GRM8: variants seen among roughly 807,000 people sequenced by gnomAD.
GRM8 encodes the protein metabotropic glutamate receptor 8.
A neutral mutation model predicts 87.2 loss-of-function variants in GRM8; 47 were observed. The ratio of observed to expected loss-of-function variants is 0.54; its 90% confidence interval spans 0.43 to 0.69. The LOEUF (loss-of-function observed/expected upper bound fraction) is 0.69. GRM8 is among the 30% of genes least tolerant of loss of function. GRM8 has a pLI of 0.00. For missense variants in GRM8, 1,019 were observed against 1,139.2 expected (o/e 0.89, Z 1.52); for synonymous variants, 396 against 404.5 (o/e 0.98, Z 0.25).
intron 2 of GRM8, among the ~76,000 whole-genome samples, chr7:127,203,166 A>G (rs80190163): frequency 6.6e-6 from 1 of 152,214 alleles, no homozygotes; most frequent in Admixed American, 6.5e-5. Flanking sequence ...TATCAAGTAC[A>G]TGTTTACATT....
chr7:127,027,538 A>G (rs1277763766), intron 3 of GRM8, among the ~76,000 whole-genome samples: 2 of 152,184 alleles, frequency 1.3e-5, no homozygotes, highest in Non-Finnish European at 2.9e-5. Flanking sequence ...TTCTCCTTGA[A>G]GAAGTCCTTC....
intron 2 of GRM8, among the ~76,000 whole-genome samples, chr7:127,113,995 G>A (rs1418423245): frequency 2.0e-5 from 3 of 152,024 alleles, no homozygotes; most frequent in African/African-American, 7.2e-5. Flanking sequence ...GCTAAGGAGA[G>A]GGAAAAGAAG....
At chr7:126,749,467 A>C (rs1816138757) in intron 7 of GRM8, among the ~76,000 whole-genome samples, 1 of 151,812 alleles carries the variant, frequency 6.6e-6, no homozygotes, top group Non-Finnish European at 1.5e-5. Context: ...AGCCTTCATC[A>C]GAATTGAAAA....
intron 3 of GRM8, among the ~76,000 whole-genome samples, chr7:126,992,791 T>C (rs1563390328): frequency 6.6e-6 from 1 of 151,440 alleles, no homozygotes; most frequent in Non-Finnish European, 1.5e-5. Flanking sequence ...CCAGAGAGCG[T>C]GCCATCTCTC....
rs748978609 is a variant in GRM8, at chr7:127,106,552, T to G, written c.671A>C (p.Glu224Ala). The change falls in exon 3 of 11, where the codon GAG becomes GCG. Residue 224 changes from glutamate to alanine, a missense_variant. Glu to Ala is a moderately radical substitution (Grantham distance 107, BLOSUM62 -1). Transcript: ENST00000339582. ...GWNYVSTLASEGNYGESGVEA... is the reference protein window; with the variant it reads ...GWNYVSTLASAGNYGESGVEA... ...CACACCGCTCTCACCATAGTTCCCC[T>G]CAGAAGCCAGTGTCGAAACATAATT... 6.2e-7 allele frequency: 1 copy of G among 1,614,076 alleles called. No homozygotes were observed. The highest frequency in any genetic ancestry group is 1.1e-5 in the South Asian group (1 of 91,084).
At chr7:126,477,351 T>C (rs1173902899) in intron 9 of GRM8, among the ~76,000 whole-genome samples, 1 of 151,944 alleles carries the variant, frequency 6.6e-6, no homozygotes, top group Non-Finnish European at 1.5e-5. Context: ...TACTAAAAAT[T>C]TGTTAAGAGA....
intron 6 of GRM8, among the ~76,000 whole-genome samples, chr7:126,878,940 A>G (rs1799778814): frequency 1.3e-5 from 2 of 151,938 alleles, no homozygotes; most frequent in South Asian, 4.2e-4. Flanking sequence ...AGGCAGGTCG[A>G]TCACCTGAGG....
intron 9 of GRM8, among the ~76,000 whole-genome samples, chr7:126,523,992 C>T (rs2299455): frequency 0.027 from 4,099 of 152,142 alleles, 154 homozygotes; most frequent in East Asian, 0.079. Flanking sequence ...AAAGCAATTA[C>T]TATATTATGG....
chr7:127,095,529 A>G (rs1824564847), intron 3 of GRM8: 1 of 152,234 alleles, frequency 6.6e-6, no homozygotes, highest in African/African-American at 2.4e-5. Context: ...CACATATTAA[A>G]CATTTCTCAT....
chr7:127,043,058 CAATGAGATA>C (rs1373945128), intron 3 of GRM8, among the ~76,000 whole-genome samples: 4 of 152,196 alleles, frequency 2.6e-5, no homozygotes, highest in Non-Finnish European at 5.9e-5. Flanking sequence ...ATCAAAACCA[CAATGAGATA>C]CCATCTCACA....
intron 2 of GRM8, among the ~76,000 whole-genome samples, chr7:127,214,073 A>G (rs1205493241): frequency 6.6e-6 from 1 of 152,248 alleles, no homozygotes; most frequent in Non-Finnish European, 1.5e-5. Context: ...GTTGAGAGAC[A>G]AAGGTCATAT....
intron 8 of GRM8, among the ~76,000 whole-genome samples, chr7:126,557,356 G>C (rs991728029): frequency 2.0e-5 from 3 of 152,200 alleles, no homozygotes; most frequent in Admixed American, 2.0e-4. Flanking sequence ...CAGGTGCTCA[G>C]TTACCACCTT....
chr7:126,716,034 T>A (rs1234697752), intron 7 of GRM8, among the ~76,000 whole-genome samples: 2 of 152,222 alleles, frequency 1.3e-5, no homozygotes, highest in Admixed American at 1.3e-4. Context: ...AGATTTTATA[T>A]CACCTAGGCA....
chr7:126,607,318 T>C (rs921772564), intron 8 of GRM8, among the ~76,000 whole-genome samples: 1 of 152,210 alleles, frequency 6.6e-6, no homozygotes, highest in Admixed American at 6.5e-5. Flanking sequence ...ATTAAATGCA[T>C]AGCTGCAATA....
At chr7:126,842,883 G>A (rs376134334) in intron 6 of GRM8, among the ~76,000 whole-genome samples, 12 of 152,046 alleles carry the variant, frequency 7.9e-5, no homozygotes, top group Non-Finnish European at 1.0e-4. Flanking sequence ...TCTAAACTCC[G>A]GAACTGTAAG....
intron 3 of GRM8, among the ~76,000 whole-genome samples, chr7:127,057,260 G>A (rs1454069665): frequency 2.6e-5 from 4 of 152,156 alleles, no homozygotes; most frequent in African/African-American, 9.7e-5. Context: ...CAATCAGAGG[G>A]AAAAGTTAAG....
chr7:126,461,546 T>C (rs1803898700), intron 9 of GRM8, among the ~76,000 whole-genome samples: 1 of 151,652 alleles, frequency 6.6e-6, no homozygotes, highest in Admixed American at 6.6e-5. Context: ...TATTCACCTT[T>C]GCTGCTTCCA....
intron 7 of GRM8, among the ~76,000 whole-genome samples, chr7:126,708,746 C>T (rs1810803285): frequency 6.6e-6 from 1 of 151,980 alleles, no homozygotes; most frequent in African/African-American, 2.4e-5. Flanking sequence ...TATGTGGAAT[C>T]TACAAGAGTT....
chr7:126,499,395 A>G (rs1429251436), intron 9 of GRM8, among the ~76,000 whole-genome samples: 1 of 149,734 alleles, frequency 6.7e-6, no homozygotes, highest in East Asian at 2.0e-4. Flanking sequence ...ATTTTGGAAA[A>G]TAGTATAGAG....
Sources: allele counts gnomAD v4.1 joint callset (sites outside exome capture counted in the v4.1 genomes callset), GRCh38; gene constraint gnomAD v4.1.1; transcripts MANE v1.5; gene names NCBI Gene and HGNC (gene_info 2026-07-23, HGNC 2026-07-21).